GRXCR1: variants seen among roughly 807,000 people sequenced by gnomAD.
The protein encoded by GRXCR1 is glutaredoxin domain-containing cysteine-rich protein 1.
Under a neutral mutation model 27.3 loss-of-function variants are expected in GRXCR1, and 27 were observed. The ratio of observed to expected loss-of-function variants is 0.99; its 90% CI spans 0.73 to 1.37. GRXCR1 has a LOEUF of 1.37. Ranked by LOEUF, GRXCR1 falls within the 40% of genes most tolerant of loss-of-function variation. The probability of loss-of-function intolerance (pLI) is 0.00; values close to 1 mark genes in which losing one functional copy is unlikely to be tolerated. For missense variants in GRXCR1, 379 were observed against 354.4 expected, an observed-to-expected ratio of 1.07 and a Z score of -0.56; for synonymous variants, 122 against 131.1, an observed-to-expected ratio of 0.93 and a Z score of 0.47.
chr4:42,934,728 A>G (rs940022362), intron 1 of GRXCR1, among the ~76,000 whole-genome samples: 1 of 151,942 alleles, frequency 6.6e-6, no homozygotes, highest in Non-Finnish European at 1.5e-5. Flanking sequence ...AAACTTTGCA[A>G]TAATAAGGGC....
At chr4:43,014,534 C>T (rs193118280) in intron 2 of GRXCR1, among the ~76,000 whole-genome samples, 14 of 152,282 alleles carry the variant, frequency 9.2e-5, no homozygotes, top group African/African-American at 3.1e-4. Flanking sequence ...GAGTCTTATG[C>T]TCCTGGTCCT....
In GRXCR1 at chr4:42,987,222, T is replaced by TTATATATTATATATATA. The variant is rs1553943890; in HGVS notation, c.627+24091_627+24107dup. Among the ~76,000 whole-genome samples the TTATATATTATATATATA allele has an allele frequency of 8.0e-5, 8 of 100,574 alleles. 1 individual carries two copies. The South Asian group carries it at 9.7e-4, about 12-fold the overall frequency. 66.0% of individuals were successfully genotyped at this position (100,574 alleles called of 152,430 possible). A position where few individuals can be genotyped will look rare whatever the true frequency, so the allele number is the denominator to read the frequency against. ...TTTTCATATATATATTATATATATA[T>TTATATATTATATATATA]TATATATTATATATATATAATATAT... is the stretch of plus-strand genomic sequence containing the variant. On this transcript the variant is annotated intron_variant, in intron 2 of 3. Transcript: ENST00000399770.
intron 1 of GRXCR1, among the ~76,000 whole-genome samples, chr4:42,924,152 C>T (rs1747087464): frequency 1.3e-5 from 2 of 152,100 alleles, no homozygotes; most frequent in Admixed American, 1.3e-4. Flanking sequence ...AATCCTAATT[C>T]ATGGCAGACC....
intron 2 of GRXCR1, among the ~76,000 whole-genome samples, chr4:43,007,747 G>A (rs548254113): frequency 1.3e-5 from 2 of 152,188 alleles, no homozygotes; most frequent in Non-Finnish European, 2.9e-5. Flanking sequence ...AGAATATTTG[G>A]TAGTGCCATT....
chr4:43,010,962 A>G (rs1160342022), intron 2 of GRXCR1, among the ~76,000 whole-genome samples: 1 of 152,146 alleles, frequency 6.6e-6, no homozygotes, highest in Admixed American at 6.5e-5. Context: ...GAGGGGTTAA[A>G]TATCTTTCAC....
chr4:42,913,050 A>G (rs1333700700), intron 1 of GRXCR1, among the ~76,000 whole-genome samples: 1 of 152,156 alleles, frequency 6.6e-6, no homozygotes, highest in Non-Finnish European at 1.5e-5. Context: ...AAGTTTCCTG[A>G]GGACTCTCCA....
At chr4:42,908,645 A>G (rs1266552401) in intron 1 of GRXCR1, among the ~76,000 whole-genome samples, 1 of 152,204 alleles carries the variant, frequency 6.6e-6, no homozygotes, top group African/African-American at 2.4e-5. Flanking sequence ...AAACCTGAAG[A>G]GGGATGGGGG....
intron 2 of GRXCR1, among the ~76,000 whole-genome samples, chr4:42,993,477 A>G (rs1349380794): frequency 6.6e-6 from 1 of 152,164 alleles, no homozygotes; most frequent in Non-Finnish European, 1.5e-5. Context: ...AACTCATCAT[A>G]AGTGTAAAAT....
chr4:42,932,611 TATATATATAGAGAGAGAG>T (rs1276782070), intron 1 of GRXCR1, among the ~76,000 whole-genome samples: 110 of 45,534 alleles, frequency 2.4e-3, no homozygotes, highest in Admixed American at 3.9e-3. Flanking sequence ...TATATATATA[TATATATATAGAGAGAGAG>T]AGAGAGAGAG....
At chr4:42,962,694 A>G (rs1320127317) in intron 1 of GRXCR1, among the ~76,000 whole-genome samples, 198 bp from the exon 2 acceptor site, 3 of 152,024 alleles carry the variant, frequency 2.0e-5, no homozygotes, top group Non-Finnish European at 4.4e-5. Flanking sequence ...AAAAAATTAA[A>G]TTATGTAATA....
Position 42,951,563 on chromosome 4 carries a change from A to T in GRXCR1, c.385-11329A>T, listed in dbSNP as rs371447752. On this transcript the variant is annotated intron_variant, in intron 1 of 3. Coordinates refer to ENST00000399770, the MANE Select transcript of GRXCR1 (RefSeq NM_001080476.3). ...AAAGAGGTAGATCCCAGTCATCGTA[A>T]TGCTGCAATGAACGTATGTGTTCAT... Among the ~76,000 whole-genome samples the T allele has an allele frequency of 4.4e-4, 67 of 152,296 alleles. 2 individuals carry two copies. In the South Asian group the frequency reaches 1.0e-2, roughly 23 times the overall value.
intron 2 of GRXCR1, among the ~76,000 whole-genome samples, chr4:42,983,872 G>A (rs183210673): frequency 2.6e-3 from 347 of 134,008 alleles, no homozygotes; most frequent in African/African-American, 9.3e-3. Flanking sequence ...GTCTCACTCT[G>A]TCACCTGGGC....
At chr4:43,025,818 T>C (rs10213206) in intron 3 of GRXCR1, among the ~76,000 whole-genome samples, 2,642 of 151,914 alleles carry the variant, frequency 0.017, 82 homozygotes, top group African/African-American at 0.06. Context: ...CTACTAAAAA[T>C]ACAAAAAATT....
chr4:43,020,479 T>C (rs1713059671), intron 3 of GRXCR1, 60 bp downstream of exon 3: 1 of 1,050,570 alleles, frequency 9.5e-7, no homozygotes, highest in Non-Finnish European at 1.5e-6. Flanking sequence ...ATTCTGATTA[T>C]AATTGAGTTT....
In GRXCR1 at chr4:42,893,614, C is replaced by T. The variant is rs778007626; in HGVS notation, c.348C>T (p.Gly116=). Residue 116 remains glycine (G), a synonymous_variant, in exon 1 of 4, where the codon GGC becomes GGT. Coordinates refer to ENST00000399770, the MANE Select transcript of GRXCR1 (RefSeq NM_001080476.3). ...GCGTCAAATACAAAGTGAGTGCTGG[C>T]CAGGCTCTATTTAACAATTTGACCA... The part of the protein sequence containing the change: ...VRGVKYKVSA[G]QALFNNLTKV... The T allele has an allele frequency of 3.1e-6, 5 of 1,613,506 alleles. No individual in the cohort carries two copies. The highest frequency in any genetic ancestry group is 2.5e-6 in the Non-Finnish European group (3 of 1,179,660).
At chr4:42,994,159 T>C (rs577573062) in intron 2 of GRXCR1, among the ~76,000 whole-genome samples, 20 of 152,218 alleles carry the variant, frequency 1.3e-4, no homozygotes, top group African/African-American at 4.8e-4. Context: ...TTTCAGTCAG[T>C]TCGTGTTGTA....
intron 2 of GRXCR1, among the ~76,000 whole-genome samples, chr4:43,001,886 C>CA (rs1712376191): frequency 6.6e-6 from 1 of 151,978 alleles, no homozygotes; most frequent in Non-Finnish European, 1.5e-5. Flanking sequence ...AGAAGGTCAG[C>CA]AAAAAACATG....
chr4:42,914,373 A>G (rs1017005126), intron 1 of GRXCR1, among the ~76,000 whole-genome samples: 10 of 152,072 alleles, frequency 6.6e-5, no homozygotes, highest in African/African-American at 2.4e-4. Context: ...GGAGTCAAAG[A>G]AGATCATTTT....
At chr4:42,914,960 C>T (rs554201236) in intron 1 of GRXCR1, among the ~76,000 whole-genome samples, 7 of 152,048 alleles carry the variant, frequency 4.6e-5, no homozygotes, top group East Asian at 1.9e-4. Context: ...AGGTGTCTTC[C>T]ACCATGATTG....
Sources: allele counts gnomAD v4.1 joint callset (sites outside exome capture counted in the v4.1 genomes callset), GRCh38; gene constraint gnomAD v4.1.1; transcripts MANE v1.5; gene names NCBI Gene and HGNC (gene_info 2026-07-23, HGNC 2026-07-21).